Variants in GPC5 observed in about 807,000 individuals in gnomAD.
GPC5 encodes glypican-5.
In GPC5, 47 loss-of-function variants were observed where a neutral mutation model predicts 53.9. That is an observed-to-expected ratio of 0.87 (90% CI 0.69 to 1.11). The LOEUF is 1.11. Ranked by LOEUF, GPC5 falls within the 50% of genes most tolerant of loss-of-function variation. GPC5 has a pLI of 0.00. For synonymous variants in GPC5, 286 were observed against 263.3 expected (o/e 1.09, Z -0.84); for missense variants, 748 against 713.1 (o/e 1.05, Z -0.56).
chr13:91,729,126 C>T (rs574416542), intron 4 of GPC5, among the ~76,000 whole-genome samples: 2 of 152,202 alleles, frequency 1.3e-5, no homozygotes, highest in African/African-American at 4.8e-5. Context: ...GAATGTTTAA[C>T]ATATATTTTA....
At chr13:91,760,725 T>C (rs1011063001) in intron 5 of GPC5, among the ~76,000 whole-genome samples, 77 of 152,310 alleles carry the variant, frequency 5.1e-4, no homozygotes, top group African/African-American at 1.9e-3. Flanking sequence ...ATACAGACTA[T>C]TTTAATATCA....
At chr13:92,315,456 A>G (rs2043172846) in intron 7 of GPC5, among the ~76,000 whole-genome samples, 1 of 152,140 alleles carries the variant, frequency 6.6e-6, no homozygotes, top group African/African-American at 2.4e-5. Flanking sequence ...ACCCATAGTG[A>G]TTTGGGCATC....
At chr13:91,440,261 G>A (rs893859265) in intron 1 of GPC5, among the ~76,000 whole-genome samples, 1 of 151,944 alleles carries the variant, frequency 6.6e-6, no homozygotes, top group Non-Finnish European at 1.5e-5. Context: ...GGTCCGTAAG[G>A]CTTGTTCCTT....
At chr13:91,889,485 A>G (rs1416554620) in intron 5 of GPC5, among the ~76,000 whole-genome samples, 1 of 151,710 alleles carries the variant, frequency 6.6e-6, no homozygotes, top group African/African-American at 2.4e-5. Context: ...TTTAATTGGA[A>G]CTTGGATGGG....
chr13:92,147,000 AT>A (rs1446124581), intron 7 of GPC5, among the ~76,000 whole-genome samples: 1 of 152,126 alleles, frequency 6.6e-6, no homozygotes, highest in African/African-American at 2.4e-5. Context: ...ATGGATATAA[AT>A]TGTATATTGA....
rs528954025 is a variant in GPC5 at position 92,074,538 on chromosome 13, G to T, written c.1402-70292G>T. On this transcript the variant is annotated intron_variant, in intron 6 of 7. Coordinates refer to ENST00000377067, the MANE Select transcript of GPC5 (RefSeq NM_004466.6). ...ACAACATTGGGTAGATATCATAGTTGGCCAGTAATGAAAACTTGTCTAAAA... is the reference window on the plus strand; with the variant it reads ...ACAACATTGGGTAGATATCATAGTTTGCCAGTAATGAAAACTTGTCTAAAA... Among the ~76,000 whole-genome samples, 26 of 152,224 alleles carry T rather than the reference G, an allele frequency of 1.7e-4. No individual in the cohort carries two copies. The South Asian group carries it at 5.2e-3, about 30-fold the overall frequency.
intron 5 of GPC5, among the ~76,000 whole-genome samples, chr13:91,877,013 C>T (rs528078464): frequency 1.3e-5 from 2 of 152,350 alleles, no homozygotes; most frequent in African/African-American, 4.8e-5. Context: ...GTGCAAGCCC[C>T]AAGCCTTGGC....
At chr13:91,914,654 C>A (rs182580514) in intron 6 of GPC5, among the ~76,000 whole-genome samples, 2 of 36,348 alleles carry the variant, frequency 5.5e-5, no homozygotes, top group African/African-American at 2.0e-4. Flanking sequence ...GTCTTTTTTT[C>A]ACTCTGTTCT....
At chr13:92,358,205 C>A (rs2043538272) in intron 7 of GPC5, among the ~76,000 whole-genome samples, 1 of 151,800 alleles carries the variant, frequency 6.6e-6, no homozygotes, top group Non-Finnish European at 1.5e-5. Context: ...CCCAGCATGG[C>A]AGTCAACTAA....
intron 7 of GPC5, among the ~76,000 whole-genome samples, chr13:92,479,784 C>G (rs1879282293): frequency 6.6e-6 from 1 of 152,186 alleles, no homozygotes; most frequent in South Asian, 2.1e-4. Flanking sequence ...AGGAATTGAG[C>G]TGTTTTATCC....
At chr13:91,542,054 A>G (rs1359582414) in intron 2 of GPC5, among the ~76,000 whole-genome samples, 1 of 107,428 alleles carries the variant, frequency 9.3e-6, no homozygotes, top group East Asian at 3.4e-4. Flanking sequence ...AATATTAAAT[A>G]ACACTCTTAA....
intron 5 of GPC5, among the ~76,000 whole-genome samples, chr13:91,806,021 A>ATTTTT (rs71113764): frequency 0.01 from 508 of 48,694 alleles, 40 homozygotes; most frequent in Non-Finnish European, 0.012. Flanking sequence ...AAATACAATA[A>ATTTTT]TTTTTTTTTT....
chr13:91,731,290 C>T (rs1453909100), intron 4 of GPC5, among the ~76,000 whole-genome samples: 1 of 152,172 alleles, frequency 6.6e-6, no homozygotes, highest in Non-Finnish European at 1.5e-5. Flanking sequence ...CCAACCTTCA[C>T]CAAGTCCATC....
intron 2 of GPC5, among the ~76,000 whole-genome samples, chr13:91,635,648 G>T (rs940755604): frequency 4.1e-4 from 63 of 151,942 alleles, no homozygotes; most frequent in African/African-American, 1.4e-3. Flanking sequence ...TGTAGTGAAG[G>T]CTGTGGGGTA....
At chr13:91,486,493 A>G (rs1345035869) in intron 2 of GPC5, 1 of 152,206 alleles carries the variant, frequency 6.6e-6, no homozygotes, top group African/African-American at 2.4e-5. Flanking sequence ...ACACATAGTC[A>G]GCTGCAAGAT....
intron 1 of GPC5, among the ~76,000 whole-genome samples, chr13:91,445,875 G>C (rs1189811566): frequency 6.6e-6 from 1 of 152,124 alleles, no homozygotes; most frequent in Non-Finnish European, 1.5e-5. Flanking sequence ...ATGGTTAAAT[G>C]GGGAGCTACT....
chr13:91,598,173 A>T (rs959199157), intron 2 of GPC5, among the ~76,000 whole-genome samples: 6 of 152,164 alleles, frequency 3.9e-5, no homozygotes, highest in African/African-American at 1.2e-4. Flanking sequence ...TAAATTATGA[A>T]TGATGGTAAA....
At chr13:91,940,356 G>T (rs546855934) in intron 6 of GPC5, among the ~76,000 whole-genome samples, 1 of 152,080 alleles carries the variant, frequency 6.6e-6, no homozygotes, top group East Asian at 1.9e-4. Flanking sequence ...AGTATTCTAC[G>T]TTATATACAT....
At chr13:91,822,931 C>G (rs2038519292) in intron 5 of GPC5, among the ~76,000 whole-genome samples, 1 of 152,102 alleles carries the variant, frequency 6.6e-6, no homozygotes, top group South Asian at 2.1e-4. Flanking sequence ...TAATATTATT[C>G]TCCTGTGCCT....
Sources: gnomAD v4.1 joint callset for allele counts (sites outside exome capture counted in the v4.1 genomes callset) on GRCh38, gnomAD v4.1.1 for gene constraint, MANE v1.5 for transcripts, NCBI Gene and HGNC (gene_info 2026-07-23, HGNC 2026-07-21) for gene names.